Variants in LGALS3 observed in about 807,000 individuals in gnomAD.
LGALS3 encodes the protein galectin-3.
In LGALS3, 18 loss-of-function variants were observed where a neutral mutation model predicts 20.7. That is an observed-to-expected ratio of 0.87 (90% CI 0.60 to 1.29). LGALS3 has a LOEUF of 1.29. Ranked by LOEUF, LGALS3 falls within the 50% of genes most tolerant of loss-of-function variation. The probability of loss-of-function intolerance (pLI) is 0.00; values close to 1 mark genes in which losing one functional copy is unlikely to be tolerated. For missense variants in LGALS3, 315 were observed against 314.7 expected (o/e 1.00, Z -0.01); for synonymous variants, 112 against 119.6 (o/e 0.94, Z 0.42).
intron 4 of LGALS3, among the ~76,000 whole-genome samples, chr14:55,140,955 A>G (rs1432203077): frequency 6.6e-6 from 1 of 152,184 alleles, no homozygotes; most frequent in Admixed American, 6.5e-5. Context: ...GTACTTACAT[A>G]TCATACAAGG....
chr14:55,139,439 G>A (rs1019653890), intron 3 of LGALS3, among the ~76,000 whole-genome samples: 3 of 152,182 alleles, frequency 2.0e-5, no homozygotes, highest in Admixed American at 6.5e-5. Context: ...GGAAGTACAG[G>A]ACTAGTACAC....
intron 1 of LGALS3, among the ~76,000 whole-genome samples, chr14:55,134,825 C>T (rs1389994722): frequency 6.6e-6 from 1 of 152,138 alleles, no homozygotes; most frequent in Non-Finnish European, 1.5e-5. Flanking sequence ...CATAACCTAA[C>T]CACTTCTGAA....
chr14:55,134,201 T>C (rs986287198), intron 1 of LGALS3, among the ~76,000 whole-genome samples: 2 of 152,210 alleles, frequency 1.3e-5, no homozygotes, highest in African/African-American at 4.8e-5. Flanking sequence ...CCACCACACC[T>C]GGCCTGAAGA....
At position 55,142,717 on chromosome 14, in the gene LGALS3, G is replaced by C; in HGVS notation, c.565G>C (p.Val189Leu). Reference protein sequence around the residue: ...NNWGREERQSVFPFESGKPFK... With the variant: ...NNWGREERQSLFPFESGKPFK... ...CTGGGGAAGGGAAGAAAGACAGTCG[G>C]TTTTCCCATTTGAAAGTGGGAAACC... Residue 189 changes from valine to leucine, a missense_variant, in exon 5 of 6, where the codon GTT becomes CTT. By Grantham distance (32) the Val-to-Leu change is conservative. Transcript: ENST00000254301. 1 of 1,613,480 alleles carries C rather than the reference G, an allele frequency of 6.2e-7. No individual in the cohort carries two copies. The highest frequency in any genetic ancestry group is 8.5e-7 in the Non-Finnish European group (1 of 1,179,534).
intron 1 of LGALS3, among the ~76,000 whole-genome samples, chr14:55,132,991 T>C (rs1881275259): frequency 6.6e-6 from 1 of 152,262 alleles, no homozygotes; most frequent in South Asian, 2.1e-4. Context: ...CAAAATGGCA[T>C]TCTTGTATTC....
chr14:55,134,574 C>G (rs1308780887), intron 1 of LGALS3, among the ~76,000 whole-genome samples: 1 of 152,126 alleles, frequency 6.6e-6, no homozygotes. Flanking sequence ...CATTTATTTT[C>G]CTTTTCTGTA....
chr14:55,134,644 T>C (rs538900487), intron 1 of LGALS3, among the ~76,000 whole-genome samples: 9 of 152,322 alleles, frequency 5.9e-5, no homozygotes, highest in African/African-American at 2.2e-4. Flanking sequence ...TATACGGTAG[T>C]GTGGCAGCCT....
intron 1 of LGALS3, among the ~76,000 whole-genome samples, chr14:55,132,588 G>T (rs962386617): frequency 1.7e-5 from 2 of 119,004 alleles, no homozygotes; most frequent in Admixed American, 7.8e-5. Context: ...TCTTTTTCTT[G>T]AGATGGAGCC....
chr14:55,137,578 A>G (rs1189612979), intron 2 of LGALS3, 187 bp downstream of exon 2: 1 of 1,496,270 alleles, frequency 6.7e-7, no homozygotes. Context: ...GAAGAAAGCC[A>G]GGCAGAGCGA....
chr14:55,135,208 G>A (rs903995743), intron 1 of LGALS3, among the ~76,000 whole-genome samples: 1 of 151,814 alleles, frequency 6.6e-6, no homozygotes, highest in African/African-American at 2.4e-5. Context: ...GTCTGACTAT[G>A]ATATAAATAA....
intron 1 of LGALS3, among the ~76,000 whole-genome samples, chr14:55,130,520 A>C (rs1881195918): frequency 6.6e-6 from 1 of 151,970 alleles, no homozygotes; most frequent in African/African-American, 2.4e-5. Context: ...TGAGAAGAAA[A>C]AGCTTTCGTC....
intron 1 of LGALS3, among the ~76,000 whole-genome samples, chr14:55,136,874 G>A (rs1432683419): frequency 7.6e-6 from 1 of 131,324 alleles, no homozygotes; most frequent in East Asian, 2.5e-4. Context: ...GGGCTCAATT[G>A]TTTTGAGTTT....
At position 55,140,242 on chromosome 14, in the gene LGALS3, C is replaced by T. The variant is rs752266176; in HGVS notation, c.343-33C>T. On this transcript the variant is annotated intron_variant, in intron 3 of 5. Transcript: ENST00000254301. ...TTTTTTCCCCAAAGAAACATGACTC[C>T]TTATTGACACATATGTACTTGTTAA... is the stretch of plus-strand genomic sequence containing the variant. The T allele has an allele frequency of 5.7e-6, 8 of 1,391,676 alleles. No individual in the cohort carries two copies. The Admixed American group carries it at 1.2e-4, about 21-fold the overall frequency. The allele number at this position is 1,391,676 out of a possible 1,614,324, so 86.2% of individuals were successfully genotyped here.
intron 5 of LGALS3, among the ~76,000 whole-genome samples, chr14:55,143,984 A>T (rs543749760): frequency 1.3e-5 from 2 of 149,822 alleles, no homozygotes; most frequent in Non-Finnish European, 3.0e-5. Context: ...AGATATTGTC[A>T]AATTGCTGCT....
chr14:55,130,798 C>A (rs568953280), intron 1 of LGALS3, among the ~76,000 whole-genome samples: 1 of 151,594 alleles, frequency 6.6e-6, no homozygotes, highest in Non-Finnish European at 1.5e-5. Flanking sequence ...GGTCTCGAAC[C>A]CCCGACCTCA....
intron 1 of LGALS3, among the ~76,000 whole-genome samples, chr14:55,136,062 C>T (rs1423709806): frequency 3.9e-5 from 6 of 152,146 alleles, no homozygotes; most frequent in African/African-American, 9.7e-5. Flanking sequence ...GCCTCAGGGG[C>T]CCAGCTGCCC....
At chr14:55,138,441 C>A in intron 3 of LGALS3, 73 bp downstream of exon 3, 1 of 1,504,780 alleles carries the variant, frequency 6.6e-7, no homozygotes, top group South Asian at 1.1e-5. Flanking sequence ...TTTAAAGCTG[C>A]TGCTTAGAGC....
At chr14:55,137,027 G>C (rs1192736181) in intron 1 of LGALS3, among the ~76,000 whole-genome samples, 1 of 152,186 alleles carries the variant, frequency 6.6e-6, no homozygotes, top group Non-Finnish European at 1.5e-5. Context: ...ACTATGTCTG[G>C]AGGTCATTGT....
At chr14:55,138,911 A>G (rs1881520287) in intron 3 of LGALS3, among the ~76,000 whole-genome samples, 2 of 152,246 alleles carry the variant, frequency 1.3e-5, no homozygotes, top group African/African-American at 4.8e-5. Context: ...AGTGTAAAAC[A>G]TAACTCCATG....
Sources: gnomAD v4.1 joint callset for allele counts (sites outside exome capture counted in the v4.1 genomes callset) on GRCh38, gnomAD v4.1.1 for gene constraint, MANE v1.5 for transcripts, NCBI Gene and HGNC (gene_info 2026-07-23, HGNC 2026-07-21) for gene names.